The following AP2A1 variants were observed in gnomAD, a reference collection of about 807,000 sequenced individuals.
AP2A1 encodes the protein AP-2 complex subunit alpha-1.
AP2A1 carries 21 observed loss-of-function variants against 107.3 expected under a neutral mutation model. The ratio of observed to expected loss-of-function variants is 0.20; its 90% confidence interval spans 0.14 to 0.28. The LOEUF (loss-of-function observed/expected upper bound fraction) is 0.28. Among genes scored for constraint, AP2A1 ranks in the 10% least tolerant of loss-of-function variants. The pLI, the probability that AP2A1 is intolerant of heterozygous loss-of-function variation, is 1.00. For missense variants in AP2A1, 873 were observed against 1,307.7 expected (o/e 0.67, Z 5.13); for synonymous variants, 602 against 564.8 (o/e 1.07, Z -0.93).
intron 6 of AP2A1, among the ~76,000 whole-genome samples, chr19:49,794,581 A>G (rs2073187278): frequency 6.6e-6 from 1 of 152,194 alleles, no homozygotes; most frequent in Non-Finnish European, 1.5e-5. Flanking sequence ...AACACAGACC[A>G]GCACGGAGGT....
intron 6 of AP2A1, among the ~76,000 whole-genome samples, 162 bp downstream of exon 6, chr19:49,793,254 G>A (rs1034172967): frequency 2.4e-4 from 37 of 152,214 alleles, no homozygotes; most frequent in African/African-American, 8.7e-4. Flanking sequence ...TCCTGGCTGG[G>A]TGGCCCTGGA....
chr19:49,782,403 A>C, intron 3 of AP2A1, 128 bp from the exon 4 acceptor site: 2 of 982,460 alleles, frequency 2.0e-6, no homozygotes, highest in Non-Finnish European at 2.9e-6. Flanking sequence ...CTGAGGGAGG[A>C]GGGGCCTGGG....
intron 4 of AP2A1, among the ~76,000 whole-genome samples, chr19:49,789,051 C>T (rs1017594306): frequency 6.6e-6 from 1 of 152,148 alleles, no homozygotes; most frequent in Non-Finnish European, 1.5e-5. Context: ...GTCAGTCGGG[C>T]GAGTATCTGC....
At chr19:49,790,921 A>T (rs1348305331) in intron 4 of AP2A1, among the ~76,000 whole-genome samples, 1 of 152,202 alleles carries the variant, frequency 6.6e-6, no homozygotes, top group Non-Finnish European at 1.5e-5. Context: ...TGTCGTGTTA[A>T]CATCACGCTG....
At position 49,782,624 on chromosome 19, in the gene AP2A1, C is replaced by T. The variant is rs2084691165; in HGVS notation, c.373C>T (p.Pro125Ser). ...AIKNDLASRN[P>S]TFMCLALHCI... ...CAAGAATGACCTGGCCAGCCGCAAC[C>T]CCACCTTCATGTGCCTGGCCCTGCA... The change falls in exon 4 of 23, where the codon CCC (proline) becomes TCC (serine). Residue 125 changes from proline (P) to serine (S), a missense_variant. Transcript: ENST00000354293. The T allele has an allele frequency of 3.1e-6, 5 of 1,613,736 alleles. No individual in the cohort carries two copies. The highest frequency in any genetic ancestry group is 4.5e-5 in the East Asian group (2 of 44,902).
intron 6 of AP2A1, among the ~76,000 whole-genome samples, chr19:49,794,208 G>T (rs758118384): frequency 7.1e-6 from 1 of 141,258 alleles, no homozygotes; most frequent in African/African-American, 2.6e-5. Context: ...CCCACTCATT[G>T]TTTCTTTCTC....
chr19:49,802,146 C>T lies in AP2A1; in HGVS notation c.2114+5C>T. 2 of 1,553,368 alleles carry T rather than the reference C, an allele frequency of 1.3e-6. No homozygotes were observed. The highest frequency in any genetic ancestry group is 1.7e-6 in the Non-Finnish European group (2 of 1,155,752). On this transcript the variant is annotated splice_donor_5th_base_variant and intron_variant, in intron 15 of 22. Transcript: ENST00000354293. ...CCCCGAGGAGGCCTTCCTCAGGTAG[C>T]ACCCCCTGGGCCCGGGCCCCTTCTC...
At chr19:49,798,711 G>C in intron 7 of AP2A1, 91 bp from the exon 8 acceptor site, 3 of 1,485,426 alleles carry the variant, frequency 2.0e-6, no homozygotes, top group Non-Finnish European at 2.7e-6. Flanking sequence ...CTCCTCCTTT[G>C]GAAGACAGGA....
intron 7 of AP2A1, chr19:49,797,111 G>A (rs190376360): frequency 6.6e-6 from 1 of 152,296 alleles, no homozygotes; most frequent in Admixed American, 6.5e-5. Context: ...GTAATTCTGG[G>A]GTACACCCAT....
intron 15 of AP2A1, 104 bp downstream of exon 15, chr19:49,802,245 C>A: frequency 4.2e-6 from 4 of 951,342 alleles, no homozygotes; most frequent in Non-Finnish European, 6.5e-6. Flanking sequence ...GCCCCCGACT[C>A]GCTCCTCTCT....
chr19:49,806,437 GTTCCTCTCCTC>G, intron 22 of AP2A1, 184 bp downstream of exon 22: 1 of 1,435,436 alleles, frequency 7.0e-7, no homozygotes, highest in Non-Finnish European at 9.1e-7. Context: ...AACCTCTGGT[GTTCCTCTCCTC>G]TTCCTGTCCC....
chr19:49,795,602 C>CCCCAAAA, intron 6 of AP2A1, 28 bp from the exon 7 acceptor site: 4 of 1,236,832 alleles, frequency 3.2e-6, no homozygotes, highest in Non-Finnish European at 4.6e-6. Context: ...CCCCAGCCCC[C>CCCCAAAA]AACTTATTTC....
At position 49,806,784 on chromosome 19, in the gene AP2A1, T is replaced by C. The variant is rs1471053227; in HGVS notation, c.*26T>C. 1.9e-6 allele frequency: 3 copies of C among 1,613,352 alleles called. No homozygotes were observed. In the South Asian group the frequency reaches 3.3e-5, roughly 18 times the overall value. On this transcript the variant is annotated 3_prime_UTR_variant, in exon 23 of 23. Coordinates refer to ENST00000354293, the MANE Select transcript of AP2A1 (RefSeq NM_130787.3). ...GCCCTGGACTCTGCCCCGGGGGATG[T>C]GGCCGGCACTGGGCAGCCCCTTGGA...
chr19:49,802,896 T>G (rs1320418420), intron 15 of AP2A1, 53 bp from the exon 16 acceptor site: 2 of 1,579,524 alleles, frequency 1.3e-6, no homozygotes, highest in East Asian at 4.6e-5. Context: ...GCTCTGGGCC[T>G]TTGCCCCTCC....
chr19:49,799,633 A>T lies in AP2A1; in HGVS notation c.1139A>T (p.Glu380Val). 1 of 1,609,784 alleles carries T rather than the reference A, an allele frequency of 6.2e-7. No homozygotes were observed. The highest frequency in any genetic ancestry group is 8.5e-7 in the Non-Finnish European group (1 of 1,179,738). ...IDTVINALKT[E>V]RDVSVRQRAA... The stretch of plus-strand genomic sequence containing the variant: ...GGCTCTGCTCTCCGCCCTCAGACGG[A>T]GCGGGACGTCAGCGTGCGGCAGCGG... Residue 380 changes from glutamate to valine, a missense_variant, in exon 10 of 23, where the codon GAG becomes GTG. Physicochemically the swap from Glu to Val is moderately radical, Grantham distance 121. Coordinates refer to ENST00000354293, the MANE Select transcript of AP2A1 (RefSeq NM_130787.3).
rs762488439 is a variant in AP2A1 at position 49,782,708 on chromosome 19, C to T, written c.457C>T (p.Arg153Cys). ...CGAGGCCTTTGCCGCTGACATCCCCCGCATCCTGGTGGCCGGGTAAGGCAC... is the reference window on the plus strand; with the variant it reads ...CGAGGCCTTTGCCGCTGACATCCCCTGCATCCTGGTGGCCGGGTAAGGCAC... ...MGEAFAADIPRILVAGDSMDS... is the reference protein window; with the variant it reads ...MGEAFAADIPCILVAGDSMDS... Residue 153 changes from arginine to cysteine, a missense_variant, in exon 4 of 23, where the codon CGC (arginine) becomes TGC (cysteine). Transcript: ENST00000354293. The T allele has an allele frequency of 1.3e-5, 21 of 1,604,028 alleles. 1 individual carries two copies. The highest frequency in any genetic ancestry group is 2.2e-5 in the South Asian group (2 of 90,248).
chr19:49,798,674 AT>A (rs2073240644), intron 7 of AP2A1, 127 bp from the exon 8 acceptor site: 2 of 1,270,508 alleles, frequency 1.6e-6, no homozygotes, highest in African/African-American at 3.0e-5. Context: ...GAGCTGCAGA[AT>A]TCTCGAGTGT....
intron 13 of AP2A1, 40 bp downstream of exon 13, chr19:49,801,661 C>T (rs1284845826): frequency 6.6e-7 from 1 of 1,517,562 alleles, no homozygotes; most frequent in Admixed American, 2.0e-5. Flanking sequence ...TCTTGCACAC[C>T]CCCTTCCCGC....
At chr19:49,799,893 G>A (rs2073256121) in intron 10 of AP2A1, 75 bp from the exon 11 acceptor site, 3 of 1,578,272 alleles carry the variant, frequency 1.9e-6, no homozygotes, top group Admixed American at 3.5e-5. Flanking sequence ...TGGGGGCAGT[G>A]GTGAGCCCAG....
Sources: gnomAD v4.1 joint callset for allele counts (sites outside exome capture counted in the v4.1 genomes callset) on GRCh38, gnomAD v4.1.1 for gene constraint, MANE v1.5 for transcripts, NCBI Gene and HGNC (gene_info 2026-07-23, HGNC 2026-07-21) for gene names.